Variants in RAPGEF5 observed in about 807,000 individuals in gnomAD.
RAPGEF5 encodes the protein Rap guanine nucleotide exchange factor 5.
RAPGEF5 carries 65 observed loss-of-function variants against 125.2 expected under a neutral mutation model. The observed-to-expected ratio is 0.52, with a 90% confidence interval of 0.43 to 0.64. The LOEUF is 0.64. Ranked by LOEUF, RAPGEF5 falls within the 30% of genes least tolerant of loss-of-function variation. RAPGEF5 has a pLI of 0.00. For missense variants in RAPGEF5, 958 were observed against 1,048.1 expected (o/e 0.91, Z 1.19); for synonymous variants, 391 against 385.9 (o/e 1.01, Z -0.16).
chr7:22,276,516 G>T (rs1439268908), intron 6 of RAPGEF5, among the ~76,000 whole-genome samples: 4 of 152,198 alleles, frequency 2.6e-5, no homozygotes, highest in African/African-American at 9.7e-5. Flanking sequence ...CATTTGTAGG[G>T]ACAGATTCCT....
chr7:22,193,873 A>C (rs1785080606), intron 10 of RAPGEF5, 42 bp downstream of exon 10: 5 of 1,612,358 alleles, frequency 3.1e-6, no homozygotes, highest in Non-Finnish European at 3.4e-6. Flanking sequence ...AGGGAAAAGG[A>C]AACGGGAGCG....
intron 11 of RAPGEF5, among the ~76,000 whole-genome samples, chr7:22,167,537 G>C (rs1460925369): frequency 1.3e-5 from 2 of 152,134 alleles, no homozygotes; most frequent in Admixed American, 1.3e-4. Context: ...GGGGAATAAA[G>C]CCTTCATGTG....
chr7:22,326,540 G>A (rs533823817), intron 1 of RAPGEF5, among the ~76,000 whole-genome samples: 2 of 152,308 alleles, frequency 1.3e-5, no homozygotes, highest in South Asian at 4.1e-4. Flanking sequence ...AGGAAGAGCT[G>A]TATAATCTCC....
At chr7:22,247,581 T>TC (rs911695403) in intron 7 of RAPGEF5, among the ~76,000 whole-genome samples, 8 of 152,066 alleles carry the variant, frequency 5.3e-5, no homozygotes, top group African/African-American at 1.9e-4. Context: ...TTGTGAGGCC[T>TC]CCCCATTCAT....
intron 1 of RAPGEF5, among the ~76,000 whole-genome samples, chr7:22,346,573 TC>T (rs1419651429): frequency 6.6e-6 from 1 of 152,116 alleles, no homozygotes; most frequent in African/African-American, 2.4e-5. Context: ...AGCACCAAAG[TC>T]CTAAGTGTTA....
intron 11 of RAPGEF5, among the ~76,000 whole-genome samples, chr7:22,179,743 T>C (rs58186365): frequency 0.054 from 8,290 of 152,244 alleles, 740 homozygotes; most frequent in African/African-American, 0.19. Context: ...TCACTGCTCA[T>C]CACATGCTAA....
In RAPGEF5 at chr7:22,334,049, G is replaced by C. The variant is rs146762553; in HGVS notation, c.232-16012C>G. Reference sequence around the variant, plus strand: ...GGACAGTGTTAAGAGAGCTGCTAATGAGAGAGCTGCTGAATAAAACTACAT... The same window carrying C: ...GGACAGTGTTAAGAGAGCTGCTAATCAGAGAGCTGCTGAATAAAACTACAT... On this transcript the variant is annotated intron_variant, in intron 1 of 25. Coordinates refer to ENST00000665637, the MANE Select transcript of RAPGEF5 (RefSeq NM_012294.5). 2.3e-3 allele frequency among the ~76,000 whole-genome samples: 347 copies of C among 152,384 alleles called. 3 individuals carry two copies. Among genetic ancestry groups the C allele is most frequent in the African/African-American group, 8.0e-3 (333 of 41,592 alleles).
chr7:22,335,510 G>A (rs561813578), intron 1 of RAPGEF5, among the ~76,000 whole-genome samples: 27 of 152,116 alleles, frequency 1.8e-4, no homozygotes, highest in South Asian at 1.2e-3. Context: ...TGCTGACTGG[G>A]CAATGAAGGT....
At chr7:22,215,375 T>C (rs768933777) in intron 9 of RAPGEF5, among the ~76,000 whole-genome samples, 1 of 152,236 alleles carries the variant, frequency 6.6e-6, no homozygotes, top group Non-Finnish European at 1.5e-5. Context: ...CAGGTCAAAC[T>C]ACTTCTGCCC....
rs1562693864 is a variant in RAPGEF5, at chr7:22,118,899, C to CA, written c.*3506_*3507insT. The CA allele has an allele frequency of 5.6e-5, 8 of 142,988 alleles. No individual in the cohort carries two copies. Among genetic ancestry groups the CA allele is most frequent in the African/African-American group, 2.2e-4 (8 of 37,090 alleles). The allele number at this position is 142,988 out of a possible 1,614,324, so 8.9% of individuals were successfully genotyped here. ...TGGCAATTTTTAAAAACTTCCCCCC[C>CA]GCCCCCCCACCAGTTTTAAGCAAAA... is the stretch of plus-strand genomic sequence containing the variant. On this transcript the variant is annotated 3_prime_UTR_variant, in exon 26 of 26. Coordinates refer to ENST00000665637, the MANE Select transcript of RAPGEF5 (RefSeq NM_012294.5).
chr7:22,304,468 G>T (rs1024149680), intron 5 of RAPGEF5, among the ~76,000 whole-genome samples: 5 of 152,192 alleles, frequency 3.3e-5, no homozygotes, highest in African/African-American at 1.2e-4. Flanking sequence ...TTATTAGGTT[G>T]CAAATTTTAA....
intron 1 of RAPGEF5, among the ~76,000 whole-genome samples, chr7:22,351,678 T>C (rs1784332976): frequency 2.6e-5 from 4 of 152,248 alleles, no homozygotes; most frequent in Non-Finnish European, 5.9e-5. Flanking sequence ...AGTGCTATGA[T>C]GTTAGCCATT....
At chr7:22,237,995 G>T (rs925353835) in intron 7 of RAPGEF5, among the ~76,000 whole-genome samples, 1 of 152,148 alleles carries the variant, frequency 6.6e-6, no homozygotes, top group Non-Finnish European at 1.5e-5. Flanking sequence ...TGAGAAAAGG[G>T]GAGAAATGCA....
At chr7:22,250,513 T>G (rs1406860463) in intron 7 of RAPGEF5, among the ~76,000 whole-genome samples, 1 of 152,252 alleles carries the variant, frequency 6.6e-6, no homozygotes, top group Non-Finnish European at 1.5e-5. Context: ...CCAGTTTTAC[T>G]GAGAACAGTT....
At chr7:22,140,446 C>T (rs746604602) in intron 20 of RAPGEF5, among the ~76,000 whole-genome samples, 6 of 152,308 alleles carry the variant, frequency 3.9e-5, no homozygotes, top group Middle Eastern at 6.8e-3. Flanking sequence ...ACGCCCCACT[C>T]TCCTTTTAAC....
intron 16 of RAPGEF5, 138 bp from the exon 17 acceptor site, chr7:22,154,742 T>A: frequency 1.2e-6 from 1 of 844,202 alleles, no homozygotes; most frequent in Non-Finnish European, 1.7e-6. Context: ...CATACAGAGT[T>A]AGATTTTTTA....
rs1583470366 is a variant in RAPGEF5 at position 22,193,905 on chromosome 7, A to G, written c.1115+10T>C. 2.5e-6 allele frequency: 4 copies of G among 1,613,212 alleles called. No homozygotes were observed. The South Asian group carries it at 4.4e-5, about 18-fold the overall frequency. ...AGCGCGTGCCTCTGTGGCTGCAGGG[A>G]AACTCTCACCTCCAATGGCTCTCCG... On this transcript the variant is annotated intron_variant, in intron 10 of 25. Transcript: ENST00000665637.
chr7:22,350,923 T>C (rs1442685370), intron 1 of RAPGEF5, among the ~76,000 whole-genome samples: 1 of 152,176 alleles, frequency 6.6e-6, no homozygotes, highest in Non-Finnish European at 1.5e-5. Flanking sequence ...AGTCAATATT[T>C]CTCAAATAAG....
chr7:22,333,813 A>T lies in RAPGEF5; in HGVS notation c.232-15776T>A, dbSNP rs184194142. ...TATAACTGCCGTGCTGGCACTGTAT[A>T]GGTGCTCTTGTGCTGGCACCCAGAG... On this transcript the variant is annotated intron_variant, in intron 1 of 25. Transcript: ENST00000665637. 4.8e-4 allele frequency among the ~76,000 whole-genome samples: 73 copies of T among 152,368 alleles called. 1 individual carries two copies. The East Asian group carries it at 0.01, about 21-fold the overall frequency.
Sources: gnomAD v4.1 joint callset for allele counts (sites outside exome capture counted in the v4.1 genomes callset) on GRCh38, gnomAD v4.1.1 for gene constraint, MANE v1.5 for transcripts, NCBI Gene and HGNC (gene_info 2026-07-23, HGNC 2026-07-21) for gene names.